The following ZSCAN5A variants were observed in gnomAD, a reference collection of about 807,000 sequenced individuals.
ZSCAN5A encodes the protein zinc finger and SCAN domain-containing protein 5A.
A neutral mutation model predicts 23.7 loss-of-function variants in ZSCAN5A; 12 were observed. The observed-to-expected ratio is 0.51, with a 90% CI of 0.32 to 0.82. ZSCAN5A has a LOEUF of 0.82. Ranked by LOEUF, ZSCAN5A falls within the 40% of genes least tolerant of loss-of-function variation. The pLI is 0.03. For missense variants in ZSCAN5A, 597 were observed against 617.9 expected, an observed-to-expected ratio of 0.97 and a Z score of 0.36; for synonymous variants, 257 against 239.9, an observed-to-expected ratio of 1.07 and a Z score of -0.66.
intron 2 of ZSCAN5A, among the ~76,000 whole-genome samples, chr19:56,323,269 C>G (rs1190750955): frequency 1.3e-5 from 2 of 152,068 alleles, no homozygotes; most frequent in Non-Finnish European, 2.9e-5. Flanking sequence ...AATCACAGCT[C>G]ACTGCAGCCT....
In ZSCAN5A at chr19:56,224,976, C is replaced by G; in HGVS notation, c.71G>C (p.Arg24Pro). 2.5e-6 allele frequency: 4 copies of G among 1,614,098 alleles called. No individual in the cohort carries two copies. The highest frequency in any genetic ancestry group is 3.4e-6 in the Non-Finnish European group (4 of 1,179,980). The change falls in exon 3 of 6, where the codon CGG becomes CCG. Residue 24 changes from arginine (R) to proline (P), a missense_variant. Around this residue, in one of 5 missense-constraint regions of ZSCAN5A, gnomAD observed 72 missense variants for 76.8 expected, o/e 0.94. Coordinates refer to ENST00000683990, the MANE Select transcript of ZSCAN5A (RefSeq NM_001322064.3). ...SCNRPGLELP[R>P]SMASSETQLG... is the part of the protein sequence containing the mutation. ...TTGAGTTTCTGAGGATGCCATAGAC[C>G]GTGGCAGCTCCAACCCAGGTCTGTT...
chr19:56,290,869 T>A (rs1820022033), intron 2 of ZSCAN5A, among the ~76,000 whole-genome samples: 1 of 152,154 alleles, frequency 6.6e-6, no homozygotes, highest in Non-Finnish European at 1.5e-5. Flanking sequence ...TCCTTTCCTA[T>A]GGGTCACTTG....
chr19:56,290,451 G>C (rs867608631), intron 2 of ZSCAN5A, among the ~76,000 whole-genome samples: 3 of 152,340 alleles, frequency 2.0e-5, no homozygotes, highest in East Asian at 3.9e-4. Flanking sequence ...CTCTGAGCTA[G>C]AGCAGTGCTT....
chr19:56,244,487 C>T (rs2035700935), intron 2 of ZSCAN5A: 1 of 1,509,426 alleles, frequency 6.6e-7, no homozygotes, highest in Admixed American at 2.2e-5. Flanking sequence ...CTGCACGGTG[C>T]AGCTGGACTC....
chr19:56,291,423 G>T (rs1055012019), intron 2 of ZSCAN5A, among the ~76,000 whole-genome samples: 2 of 152,162 alleles, frequency 1.3e-5, no homozygotes, highest in African/African-American at 4.8e-5. Context: ...ACCCACCCTG[G>T]GCCCCAGCCT....
At chr19:56,355,279 T>A (rs1600301428) in intron 2 of ZSCAN5A, among the ~76,000 whole-genome samples, 1 of 148,774 alleles carries the variant, frequency 6.7e-6, no homozygotes, top group East Asian at 1.9e-4. Context: ...ACCAAAACTA[T>A]CAAAATTGTA....
At chr19:56,357,794 C>A (rs944860909) in intron 2 of ZSCAN5A, among the ~76,000 whole-genome samples, 1 of 147,566 alleles carries the variant, frequency 6.8e-6, no homozygotes. Flanking sequence ...GGGCTAAATG[C>A]CCCCAGTAAA....
chr19:56,269,738 A>C (rs2037715250), intron 2 of ZSCAN5A, among the ~76,000 whole-genome samples: 1 of 152,230 alleles, frequency 6.6e-6, no homozygotes, highest in Non-Finnish European at 1.5e-5. Context: ...TTGGTTAGGA[A>C]GATGAAAGAG....
At chr19:56,261,623 G>C (rs763572512) in intron 2 of ZSCAN5A, among the ~76,000 whole-genome samples, 1 of 152,170 alleles carries the variant, frequency 6.6e-6, no homozygotes, top group East Asian at 1.9e-4. Flanking sequence ...GAGGGAGAGA[G>C]AGAGGGAGAC....
intron 2 of ZSCAN5A, among the ~76,000 whole-genome samples, chr19:56,302,617 TCCTC>T (rs1357109603): frequency 2.9e-5 from 3 of 101,838 alleles, no homozygotes; most frequent in African/African-American, 8.0e-5. Context: ...CTCTCCCTCT[TCCTC>T]CCTCCCTCCT....
intron 2 of ZSCAN5A, among the ~76,000 whole-genome samples, chr19:56,255,734 G>T (rs528860916): frequency 3.9e-5 from 6 of 152,098 alleles, no homozygotes; most frequent in African/African-American, 1.2e-4. Flanking sequence ...TATTCTCAGG[G>T]TCCCTAGGAG....
chr19:56,250,839 T>G (rs1388432144), intron 2 of ZSCAN5A, among the ~76,000 whole-genome samples: 2 of 152,182 alleles, frequency 1.3e-5, no homozygotes, highest in Admixed American at 6.5e-5. Context: ...TCTATTCTTT[T>G]TAGCAAAAAG....
At chr19:56,334,167 G>A (rs558917095) in intron 2 of ZSCAN5A, among the ~76,000 whole-genome samples, 3 of 152,322 alleles carry the variant, frequency 2.0e-5, no homozygotes, top group Admixed American at 2.0e-4. Context: ...ACCCAGAGGT[G>A]TGACTAGCCA....
rs531651787 is a variant in ZSCAN5A at position 56,351,658 on chromosome 19, G to A, written c.-358+11577C>T. 2.0e-5 allele frequency among the ~76,000 whole-genome samples: 3 copies of A among 152,110 alleles called. No individual in the cohort carries two copies. The highest frequency in any genetic ancestry group is 3.9e-4 in the East Asian group (2 of 5,166). ...AAACTACTCCACATGTGTCCATGTC[G>A]TTAATCCTATCAGCACCAGACCAAA... On this transcript the variant is annotated intron_variant, in intron 2 of 6. Coordinates refer to the ZSCAN5A transcript ENST00000587340. The surrounding 1 kb of genome is among the most constrained non-coding windows in gnomAD (Gnocchi z 4.8).
chr19:56,336,913 C>T (rs969732054), intron 2 of ZSCAN5A, among the ~76,000 whole-genome samples: 1 of 152,264 alleles, frequency 6.6e-6, no homozygotes, highest in African/African-American at 2.4e-5. Flanking sequence ...TGGTGAACCG[C>T]AAATGCTGCT....
intron 2 of ZSCAN5A, chr19:56,301,993 A>T (rs557006476): frequency 8.1e-7 from 1 of 1,232,124 alleles, no homozygotes; most frequent in Admixed American, 4.2e-5. Flanking sequence ...GCACCACCCC[A>T]TCCAGGAAAC....
intron 2 of ZSCAN5A, among the ~76,000 whole-genome samples, chr19:56,337,308 G>A (rs2041548493): frequency 6.6e-6 from 1 of 152,238 alleles, no homozygotes; most frequent in Admixed American, 6.5e-5. Flanking sequence ...CAGCCTCACT[G>A]CTGCCTTGCA....
At chr19:56,303,503 A>G (rs1400570100) in intron 2 of ZSCAN5A, among the ~76,000 whole-genome samples, 1 of 141,654 alleles carries the variant, frequency 7.1e-6, no homozygotes, top group Non-Finnish European at 1.5e-5. Flanking sequence ...AAAGAAGGAA[A>G]GGAAGGAAAG....
intron 2 of ZSCAN5A, among the ~76,000 whole-genome samples, chr19:56,243,167 G>C (rs1489655884): frequency 3.6e-5 from 5 of 138,540 alleles, no homozygotes. Context: ...ATTAGGAATA[G>C]AGAAACCCTT....
Sources: allele counts gnomAD v4.1 joint callset (sites outside exome capture counted in the v4.1 genomes callset), GRCh38; gene constraint gnomAD v4.1.1; regional missense constraint gnomAD v4.1.1; non-coding constraint Gnocchi (gnomAD v3.1); transcripts MANE v1.5; gene names NCBI Gene and HGNC (gene_info 2026-07-23, HGNC 2026-07-21).